ACOX3: variants seen among roughly 807,000 people sequenced by gnomAD.
The protein encoded by ACOX3 is acyl-CoA oxidase 3, pristanoyl, also known as peroxisomal acyl-coenzyme A oxidase 3.
ACOX3 carries 73 observed loss-of-function variants against 81.5 expected under a neutral mutation model. The ratio of observed to expected loss-of-function variants is 0.90; its 90% CI spans 0.74 to 1.09. The LOEUF is 1.09. ACOX3 is among the 50% of genes least tolerant of loss of function. The probability of loss-of-function intolerance (pLI) is 0.00; values close to 1 mark genes in which losing one functional copy is unlikely to be tolerated. For synonymous variants in ACOX3, 387 were observed against 375.1 expected (o/e 1.03, Z -0.37); for missense variants, 947 against 928.0 (o/e 1.02, Z -0.27).
rs866522981 is a variant in ACOX3, at chr4:8,415,952, G to C, written c.192C>G (p.Ser64=). 13 of 1,614,098 alleles carry C rather than the reference G, an allele frequency of 8.1e-6. No homozygotes were observed. In the Admixed American group the frequency reaches 8.3e-5, roughly 10 times the overall value. The part of the protein sequence containing the change: ...ALENDPLFAR[S]PGADLSLEKY... Reference sequence around the variant, plus strand: ...TCTCCAAGGACAGATCGGCTCCAGGGGAACGAGCGAAAAGAGGGTCATTCT... The same window carrying C: ...TCTCCAAGGACAGATCGGCTCCAGGCGAACGAGCGAAAAGAGGGTCATTCT... The change falls in exon 3 of 18, where the codon TCC becomes TCG. Residue 64 remains serine (S), a synonymous_variant. Transcript: ENST00000356406.
chr4:8,389,329 C>T lies in ACOX3; in HGVS notation c.1424-43G>A. 1 of 1,570,324 alleles carries T rather than the reference C, an allele frequency of 6.4e-7. No individual in the cohort carries two copies. The highest frequency in any genetic ancestry group is 8.7e-7 in the Non-Finnish European group (1 of 1,149,730). ...GTGACTTTGGTGGAAGACAGGAACC[C>T]AAACCATTGGGAACCCCAAGCTGGG... On this transcript the variant is annotated intron_variant, in intron 12 of 17. Coordinates refer to ENST00000356406, the MANE Select transcript of ACOX3 (RefSeq NM_003501.3). This position sits in a 1 kb window ranked among gnomAD's most constrained non-coding sequence, Gnocchi z 5.3.
chr4:8,429,861 G>C (rs1236150419), intron 1 of ACOX3, among the ~76,000 whole-genome samples: 1 of 151,966 alleles, frequency 6.6e-6, no homozygotes, highest in Non-Finnish European at 1.5e-5. Flanking sequence ...AGAATCACTT[G>C]AGCCCAGGAG....
the ACOX3 span, chr4:8,357,065 G>A: frequency 5.7e-5 from 26 of 455,644 alleles, no homozygotes; most frequent in Admixed American, 5.2e-4. Context: ...TGTGGAGAAC[G>A]GTGCACGCTT....
At chr4:8,417,820 A>G (rs961794245) in intron 1 of ACOX3, among the ~76,000 whole-genome samples, 12 of 152,248 alleles carry the variant, frequency 7.9e-5, no homozygotes, top group Non-Finnish European at 8.8e-5. Flanking sequence ...CTGGCCAAAT[A>G]AAAAGGAGAA....
chr4:8,429,497 G>A (rs1409389619), intron 1 of ACOX3, among the ~76,000 whole-genome samples: 1 of 152,196 alleles, frequency 6.6e-6, no homozygotes, highest in Non-Finnish European at 1.5e-5. Context: ...ACGAATTCCT[G>A]GGAATTGCGG....
intron 10 of ACOX3, 51 bp from the exon 11 acceptor site, chr4:8,392,504 C>A: frequency 6.8e-7 from 1 of 1,470,800 alleles, no homozygotes; most frequent in Non-Finnish European, 9.0e-7. Context: ...CTTTAGACAC[C>A]AAAAAGTCAT....
At chr4:8,357,493 C>A in the ACOX3 span, 1 of 334,318 alleles carries the variant, frequency 3.0e-6, no homozygotes, top group Non-Finnish European at 6.0e-6. Flanking sequence ...AAGTTTTCTA[C>A]ATTACCAAAA....
At chr4:8,409,617 G>GGGCTGTCTGTGCACTGTGGGCA (rs1721461213) in intron 6 of ACOX3, among the ~76,000 whole-genome samples, 1 of 116,790 alleles carries the variant, frequency 8.6e-6, no homozygotes, top group Non-Finnish European at 1.9e-5. Flanking sequence ...TACTGTGGGT[G>GGGCTGTCTGTGCACTGTGGGCA]GGGCTGTCTG....
chr4:8,397,902 T>C (rs1719904069), intron 8 of ACOX3, among the ~76,000 whole-genome samples: 1 of 152,246 alleles, frequency 6.6e-6, no homozygotes, highest in African/African-American at 2.4e-5. Context: ...GGCTCACGCC[T>C]GTAATCCCAA....
intron 5 of ACOX3, among the ~76,000 whole-genome samples, chr4:8,411,023 G>C (rs1368765456): frequency 6.6e-6 from 1 of 152,258 alleles, no homozygotes; most frequent in Non-Finnish European, 1.5e-5. Flanking sequence ...GAGCACGTGG[G>C]AACAGGCAGG....
chr4:8,438,990 A>C (rs748123751), intron 1 of ACOX3: 5 of 152,256 alleles, frequency 3.3e-5, no homozygotes, highest in Non-Finnish European at 7.3e-5. Context: ...CTAGTCACGC[A>C]CTGGCAGCTG....
chr4:8,371,089 T>G, intron 16 of ACOX3, 95 bp from the exon 17 acceptor site: 1 of 1,132,560 alleles, frequency 8.8e-7, no homozygotes, highest in Non-Finnish European at 1.3e-6. Flanking sequence ...CAGGACCCAC[T>G]AGCAACGGGT....
chr4:8,399,744 C>A lies in ACOX3; in HGVS notation c.777-92G>T. 1 of 1,162,838 alleles carries A rather than the reference C, an allele frequency of 8.6e-7. No homozygotes were observed. Among genetic ancestry groups the A allele is most frequent in the East Asian group, 2.4e-5 (1 of 41,756 alleles). 72.0% of individuals were successfully genotyped at this position (1,162,838 alleles called of 1,614,324 possible). A position where few individuals can be genotyped will look rare whatever the true frequency, so the allele number is the denominator to read the frequency against. On this transcript the variant is annotated intron_variant, in intron 7 of 17. Coordinates refer to ENST00000356406, the MANE Select transcript of ACOX3 (RefSeq NM_003501.3). This position sits in a 1 kb window ranked among gnomAD's most constrained non-coding sequence, Gnocchi z 4.9. ...GGCAGCCTAAAAGCTGATGCAATCC[C>A]CGAGGACAAAGAAAATGGCAGAGGG...
At chr4:8,366,209 C>A (rs893671463), downstream of ACOX3, 8 of 152,270 alleles carry the variant, frequency 5.3e-5, no homozygotes, top group African/African-American at 1.2e-4. Context: ...CTGTGGCCAG[C>A]GCCATGGGGA....
the ACOX3 span, among the ~76,000 whole-genome samples, chr4:8,359,092 T>C: frequency 6.6e-6 from 1 of 152,134 alleles, no homozygotes; most frequent in East Asian, 1.9e-4. This position sits in a 1 kb window ranked among gnomAD's most constrained non-coding sequence, Gnocchi z 6.0. Flanking sequence ...TCCTGTAACA[T>C]CTTTCTGGCG....
chr4:8,417,535 C>G (rs1436946087), intron 1 of ACOX3, among the ~76,000 whole-genome samples: 1 of 152,226 alleles, frequency 6.6e-6, no homozygotes, highest in Non-Finnish European at 1.5e-5. Context: ...GGCTGTGTTT[C>G]CCAAACCCCC....
intron 13 of ACOX3, among the ~76,000 whole-genome samples, chr4:8,383,158 A>G (rs957234406): frequency 6.6e-6 from 1 of 152,190 alleles, no homozygotes; most frequent in African/African-American, 2.4e-5. Flanking sequence ...GGCTTGCCGG[A>G]GGTCTCAGCT....
rs200825328 is a variant in ACOX3 at position 8,367,631 on chromosome 4, AC to A, written c.1984-552del. 5.5e-3 allele frequency among the ~76,000 whole-genome samples: 828 copies of A among 151,922 alleles called. 9 individuals carry two copies. The highest frequency in any genetic ancestry group is 0.018 in the African/African-American group (745 of 41,418). On this transcript the variant is annotated intron_variant, in intron 17 of 17. Transcript: ENST00000356406. Reference sequence around the variant, plus strand: ...AATTAGGACAATTCAATTATAAAGTACTATAAAACACATTTATAATGAAAAT... The same window carrying A: ...AATTAGGACAATTCAATTATAAAGTATATAAAACACATTTATAATGAAAAT...
At chr4:8,408,904 TGGGGGGGGG>T (rs1560193656) in intron 6 of ACOX3, among the ~76,000 whole-genome samples, 1 of 30,538 alleles carries the variant, frequency 3.3e-5, no homozygotes, top group Non-Finnish European at 5.6e-5. Flanking sequence ...GGGGGGGGGG[TGGGGGGGGG>T]GTGGGGGCGG....
Sources: allele counts gnomAD v4.1 joint callset (sites outside exome capture counted in the v4.1 genomes callset), GRCh38; gene constraint gnomAD v4.1.1; non-coding constraint Gnocchi (gnomAD v3.1); transcripts MANE v1.5; gene names NCBI Gene and HGNC (gene_info 2026-07-23, HGNC 2026-07-21).